The following FHIT variants were observed in gnomAD, a reference collection of about 807,000 sequenced individuals.
FHIT encodes bis(5'-adenosyl)-triphosphatase.
Under a neutral mutation model 17.9 loss-of-function variants are expected in FHIT, and 19 were observed. That is an observed-to-expected ratio of 1.06 (90% CI 0.74 to 1.56). The LOEUF (loss-of-function observed/expected upper bound fraction) is 1.56, where lower values mean the gene tolerates loss of function less well. FHIT is among the 40% of genes most tolerant of loss of function. The pLI is 0.00. For missense variants in FHIT, 248 were observed against 189.2 expected, an observed-to-expected ratio of 1.31 and a Z score of -1.82; for synonymous variants, 81 against 69.7, an observed-to-expected ratio of 1.16 and a Z score of -0.81.
intron 3 of FHIT, among the ~76,000 whole-genome samples, chr3:61,004,077 T>C (rs961666136): frequency 3.9e-5 from 6 of 152,038 alleles, no homozygotes; most frequent in African/African-American, 7.2e-5. Context: ...CCGAGACGAA[T>C]AGAAGAATCC....
intron 4 of FHIT, among the ~76,000 whole-genome samples, chr3:60,809,171 A>G (rs1701493254): frequency 6.6e-6 from 1 of 152,192 alleles, no homozygotes; most frequent in Admixed American, 6.5e-5. Context: ...TAATCACAAG[A>G]GCATAAAATT....
At chr3:60,940,253 T>C (rs1708351605) in intron 3 of FHIT, among the ~76,000 whole-genome samples, 1 of 152,068 alleles carries the variant, frequency 6.6e-6, no homozygotes, top group Admixed American at 6.5e-5. Context: ...ATGAGAAAAA[T>C]TGCCCTGTAA....
chr3:60,388,639 C>T (rs1701107500), intron 5 of FHIT, among the ~76,000 whole-genome samples: 1 of 152,116 alleles, frequency 6.6e-6, no homozygotes, highest in African/African-American at 2.4e-5. Context: ...ACCTGATATC[C>T]AGATCTGAGA....
chr3:60,186,517 A>G (rs531969278), intron 5 of FHIT, among the ~76,000 whole-genome samples: 40 of 152,348 alleles, frequency 2.6e-4, no homozygotes, highest in Admixed American at 5.2e-4. Flanking sequence ...GCCAAGAGCA[A>G]CTTGACAGTG....
At position 60,413,408 on chromosome 3, in the gene FHIT, T is replaced by C. The variant is rs1025471793; in HGVS notation, c.103+123452A>G. Among the ~76,000 whole-genome samples the C allele has an allele frequency of 5.9e-5, 9 of 152,162 alleles. No individual in the cohort carries two copies. In the South Asian group the frequency reaches 6.2e-4, roughly 11 times the overall value. ...AACCATGCAACGACTTCCCTGATTT[T>C]AACAATGAAAGTAGCTCAGAACATA... On this transcript the variant is annotated intron_variant, in intron 5 of 9. Coordinates refer to ENST00000492590, the MANE Select transcript of FHIT (RefSeq NM_002012.4).
chr3:60,074,380 T>C (rs1702914268), intron 5 of FHIT, among the ~76,000 whole-genome samples: 1 of 152,114 alleles, frequency 6.6e-6, no homozygotes, highest in Non-Finnish European at 1.5e-5. Flanking sequence ...ACCTCTCCCA[T>C]GCCACTTCTC....
chr3:60,770,806 G>A (rs560770150), intron 4 of FHIT, among the ~76,000 whole-genome samples: 1 of 152,272 alleles, frequency 6.6e-6, no homozygotes, highest in East Asian at 1.9e-4. Context: ...TTAGCCTCAA[G>A]CTTATTTCTC....
At chr3:60,928,296 A>G (rs1707756714) in intron 3 of FHIT, among the ~76,000 whole-genome samples, 1 of 151,548 alleles carries the variant, frequency 6.6e-6, no homozygotes, top group Non-Finnish European at 1.5e-5. Flanking sequence ...ACACCCAAGA[A>G]TGATCAACAA....
At chr3:60,648,043 G>T (rs1418653504) in intron 4 of FHIT, among the ~76,000 whole-genome samples, 1 of 152,142 alleles carries the variant, frequency 6.6e-6, no homozygotes, top group Non-Finnish European at 1.5e-5. Flanking sequence ...TTGGACTTCT[G>T]AAGCAGGTCA....
chr3:59,881,650 A>G (rs910243753), intron 8 of FHIT, among the ~76,000 whole-genome samples: 1 of 152,166 alleles, frequency 6.6e-6, no homozygotes, highest in Non-Finnish European at 1.5e-5. Flanking sequence ...ACTTCAAATC[A>G]CCCTCACTTC....
intron 1 of FHIT, among the ~76,000 whole-genome samples, chr3:61,201,744 C>A (rs572031834): frequency 0.1 from 15,276 of 151,888 alleles, 2,553 homozygotes; most frequent in African/African-American, 0.35. Flanking sequence ...ATTTCTCCTT[C>A]CCCCTGAGCT....
intron 4 of FHIT, among the ~76,000 whole-genome samples, chr3:60,775,289 C>A (rs1413684121): frequency 1.3e-5 from 2 of 152,172 alleles, no homozygotes; most frequent in Non-Finnish European, 2.9e-5. Context: ...CCACCCAAGT[C>A]TCCAGCCTGT....
intron 5 of FHIT, among the ~76,000 whole-genome samples, chr3:60,354,309 C>A (rs1699552521): frequency 6.6e-6 from 1 of 152,088 alleles, no homozygotes; most frequent in South Asian, 2.1e-4. Context: ...TTATTCCTAT[C>A]CTTATTTTAA....
At chr3:60,489,560 C>G (rs186723862) in intron 5 of FHIT, among the ~76,000 whole-genome samples, 3 of 152,322 alleles carry the variant, frequency 2.0e-5, no homozygotes, top group East Asian at 1.9e-4. Context: ...CACCTGTGCT[C>G]AAGTCCACTT....
intron 4 of FHIT, among the ~76,000 whole-genome samples, chr3:60,807,763 G>C (rs557931858): frequency 6.6e-6 from 1 of 151,942 alleles, no homozygotes; most frequent in African/African-American, 2.4e-5. Flanking sequence ...TTCTGCTTTC[G>C]TGGAGCTTAC....
At chr3:60,870,473 T>C (rs1704366634) in intron 3 of FHIT, among the ~76,000 whole-genome samples, 1 of 152,108 alleles carries the variant, frequency 6.6e-6, no homozygotes, top group African/African-American at 2.4e-5. Context: ...GCACCCCTAC[T>C]GTGGAAAGAG....
intron 3 of FHIT, among the ~76,000 whole-genome samples, chr3:61,024,022 C>T (rs1327488411): frequency 6.6e-6 from 1 of 152,016 alleles, no homozygotes; most frequent in Admixed American, 6.6e-5. Flanking sequence ...ATTATTCATA[C>T]TATTTTCATG....
intron 4 of FHIT, among the ~76,000 whole-genome samples, chr3:60,560,943 C>T (rs113612644): frequency 6.6e-6 from 1 of 151,550 alleles, no homozygotes; most frequent in Non-Finnish European, 1.5e-5. Context: ...AAGTCCCTTC[C>T]TGTGAAAAGA....
At chr3:60,412,320 C>A (rs989115716) in intron 5 of FHIT, among the ~76,000 whole-genome samples, 3 of 152,074 alleles carry the variant, frequency 2.0e-5, no homozygotes, top group Admixed American at 2.0e-4. Flanking sequence ...TTGCGTTCCT[C>A]ATAGTCCATT....
Sources: allele counts gnomAD v4.1 joint callset (sites outside exome capture counted in the v4.1 genomes callset), GRCh38; gene constraint gnomAD v4.1.1; transcripts MANE v1.5; gene names NCBI Gene and HGNC (gene_info 2026-07-23, HGNC 2026-07-21).